Variants in SLC25A11 observed in about 807,000 individuals in gnomAD.
SLC25A11 encodes mitochondrial 2-oxoglutarate/malate carrier protein.
Under a neutral mutation model 32.7 loss-of-function variants are expected in SLC25A11, and 11 were observed. The observed-to-expected ratio is 0.34, with a 90% CI of 0.21 to 0.56. SLC25A11 has a LOEUF of 0.56. Ranked by LOEUF, SLC25A11 falls within the 20% of genes least tolerant of loss-of-function variation. The pLI is 0.90. For missense variants in SLC25A11, 295 were observed against 426.3 expected (o/e 0.69, Z 2.71); for synonymous variants, 163 against 168.3 (o/e 0.97, Z 0.24).
rs1970573245 is a variant in SLC25A11 at position 4,939,463 on chromosome 17, G to A, written c.96-251C>T. The A allele has an allele frequency of 3.4e-6, 2 of 584,368 alleles. No homozygotes were observed. Among genetic ancestry groups the A allele is most frequent in the African/African-American group, 1.9e-5 (1 of 53,566 alleles). The allele number at this position is 584,368 out of a possible 1,614,324, so 36.2% of individuals were successfully genotyped here. Reference sequence around the variant, plus strand: ...TCATGACAGTCAAGCAGTGACCTGGGGCTGCACGCAGTCCGACACAGGGAG... The same window carrying A: ...TCATGACAGTCAAGCAGTGACCTGGAGCTGCACGCAGTCCGACACAGGGAG... On this transcript the variant is annotated intron_variant, in intron 1 of 7. Coordinates refer to ENST00000225665, the MANE Select transcript of SLC25A11 (RefSeq NM_003562.5). The surrounding 1 kb of genome is among the most constrained non-coding windows in gnomAD (Gnocchi z 4.1).
chr17:4,939,264 T>G lies in SLC25A11; in HGVS notation c.96-52A>C, dbSNP rs1277181201. On this transcript the variant is annotated intron_variant, in intron 1 of 7. Transcript: ENST00000225665. The surrounding 1 kb of genome is among the most constrained non-coding windows in gnomAD (Gnocchi z 4.1). ...GGGCCAGGCATTCCAGATCTACCAG[T>G]GCCCACTGGAGCCTGGCAGCAAGAG... The G allele has an allele frequency of 6.4e-7, 1 of 1,564,406 alleles. No homozygotes were observed. The highest frequency in any genetic ancestry group is 8.7e-7 in the Non-Finnish European group (1 of 1,150,478).
rs774449189 is a variant in SLC25A11, at chr17:4,939,782, C to G, written c.95+34G>C. 42 of 1,569,062 alleles carry G rather than the reference C, an allele frequency of 2.7e-5. No homozygotes were observed. The highest frequency in any genetic ancestry group is 3.7e-5 in the Non-Finnish European group (42 of 1,142,154). On this transcript the variant is annotated intron_variant, in intron 1 of 7. Transcript: ENST00000225665. This position sits in a 1 kb window ranked among gnomAD's most constrained non-coding sequence, Gnocchi z 4.1. ...CCCGGTTCCTTTTGCCCTTCCCTTC[C>G]TCCTCTTTTCCCATCCCTGGGGCCT... is the stretch of plus-strand genomic sequence containing the variant.
chr17:4,938,883 C>T lies in SLC25A11; in HGVS notation c.341G>A (p.Gly114Asp), dbSNP rs1245474490. ...CTTCAGCAGAAAGCCAGGGGGAGTA[C>T]CATCAGCCCCAGTCAGGCGCTCAAA... ...VLFERLTGADGTPPGFLLKAV... is the reference protein window; with the variant it reads ...VLFERLTGADDTPPGFLLKAV... Residue 114 changes from glycine (G) to aspartate (D), a missense_variant, in exon 3 of 8, where the codon GGT becomes GAT. Coordinates refer to ENST00000225665, the MANE Select transcript of SLC25A11 (RefSeq NM_003562.5). The surrounding 1 kb of genome is among the most constrained non-coding windows in gnomAD (Gnocchi z 7.6). The T allele has an allele frequency of 6.2e-7, 1 of 1,614,134 alleles. No individual in the cohort carries two copies. Among genetic ancestry groups the T allele is most frequent in the South Asian group, 1.1e-5 (1 of 91,082 alleles).
chr17:4,940,015 C>A lies in SLC25A11; in HGVS notation c.-105G>T, dbSNP rs992260325. The A allele has an allele frequency of 1.4e-6, 1 of 738,362 alleles. No homozygotes were observed. The highest frequency in any genetic ancestry group is 2.6e-5 in the South Asian group (1 of 38,566). The allele number at this position is 738,362 out of a possible 1,614,324, so 45.7% of individuals were successfully genotyped here. A position where few individuals can be genotyped will look rare whatever the true frequency, so the allele number is the denominator to read the frequency against. ...AGAGCGAGGGCGCGCGCACGCCCCT[C>A]CAGCTCTCAGGTCCGACACCCGCTG... is the stretch of plus-strand genomic sequence containing the variant. On this transcript the variant is annotated 5_prime_UTR_variant, in exon 1 of 8. Coordinates refer to ENST00000225665, the MANE Select transcript of SLC25A11 (RefSeq NM_003562.5).
rs1970615377 is a variant in SLC25A11 at position 4,939,978 on chromosome 17, C to CGCGCGCGCAACAGAGCGAGG, written c.-88_-69dup. The CGCGCGCGCAACAGAGCGAGG allele has an allele frequency of 6.5e-6, 8 of 1,224,150 alleles. No homozygotes were observed. The highest frequency in any genetic ancestry group is 7.8e-6 in the Non-Finnish European group (7 of 902,528). The allele number at this position is 1,224,150 out of a possible 1,614,324, so 75.8% of individuals were successfully genotyped here. ...GCCCCGCTCGCGCCCAAGGTGACACCGCGCGCGCAACAGAGCGAGGGCGCG... is the reference window on the plus strand; with the variant it reads ...GCCCCGCTCGCGCCCAAGGTGACACCGCGCGCGCAACAGAGCGAGGGCGCGCGCAACAGAGCGAGGGCGCG... On this transcript the variant is annotated 5_prime_UTR_variant, in exon 1 of 8. Transcript: ENST00000225665. This position sits in a 1 kb window ranked among gnomAD's most constrained non-coding sequence, Gnocchi z 4.1.
chr17:4,938,549 C>G lies in SLC25A11; in HGVS notation c.509G>C (p.Arg170Pro). ...GAGGACACCCTCTTCCCGGGTGATT[C>G]GAATCAGGGCGTTAAACACATTTTT... ...GYKNVFNALIRITREEGVLTL... is the reference protein window; with the variant it reads ...GYKNVFNALIPITREEGVLTL... The change falls in exon 4 of 8, where the codon CGA (arginine) becomes CCA (proline). Residue 170 changes from arginine to proline, a missense_variant. Around this residue, in one of 3 missense-constraint regions of SLC25A11, gnomAD observed 142 missense variants for 197.8 expected, o/e 0.72. Transcript: ENST00000225665. This position sits in a 1 kb window ranked among gnomAD's most constrained non-coding sequence, Gnocchi z 7.6. 6.2e-7 allele frequency: 1 copy of G among 1,614,100 alleles called. No homozygotes were observed. The highest frequency in any genetic ancestry group is 8.5e-7 in the Non-Finnish European group (1 of 1,179,986).
Position 4,938,331 on chromosome 17 carries a change from G to C in SLC25A11, c.637+8C>G, listed in dbSNP as rs1970482348. ...GCTGGGAACTAAGGGCCCAGCTCTG[G>C]ATCTCACCTGAGTCCAGTAAGAACT... On this transcript the variant is annotated splice_region_variant and intron_variant, in intron 5 of 7. Transcript: ENST00000225665. The surrounding 1 kb of genome is among the most constrained non-coding windows in gnomAD (Gnocchi z 7.6). 6.2e-7 allele frequency: 1 copy of C among 1,614,008 alleles called. No individual in the cohort carries two copies. The highest frequency in any genetic ancestry group is 1.7e-5 in the Admixed American group (1 of 60,006).
Position 4,938,512 on chromosome 17 carries a change from C to T in SLC25A11, c.546G>A (p.Arg182=), listed in dbSNP as rs1027865588. The T allele has an allele frequency of 1.2e-6, 2 of 1,613,958 alleles. No homozygotes were observed. ...TREEGVLTLW[R]GCIPTMARAV... ...CCAAGTCTCCAGCCCCTCCACTCACCCGCCACAGTGTGAGGACACCCTCTT... is the reference window on the plus strand; with the variant it reads ...CCAAGTCTCCAGCCCCTCCACTCACTCGCCACAGTGTGAGGACACCCTCTT... Residue 182 remains arginine (R), a splice_region_variant and synonymous_variant, in exon 4 of 8, where the codon CGG becomes CGA. Coordinates refer to ENST00000225665, the MANE Select transcript of SLC25A11 (RefSeq NM_003562.5). The surrounding 1 kb of genome is among the most constrained non-coding windows in gnomAD (Gnocchi z 7.6).
Position 4,939,345 on chromosome 17 carries a change from G to A in SLC25A11, c.96-133C>T. The A allele has an allele frequency of 2.0e-6, 2 of 992,598 alleles. No homozygotes were observed. The highest frequency in any genetic ancestry group is 1.7e-5 in the South Asian group (1 of 59,588). The allele number at this position is 992,598 out of a possible 1,614,324, so 61.5% of individuals were successfully genotyped here. ...CAAGAATCAGGATGCTGGTGAGCAT[G>A]TGTATAAGAGTCTATATGTACACCA... is the stretch of plus-strand genomic sequence containing the variant. On this transcript the variant is annotated intron_variant, in intron 1 of 7. Transcript: ENST00000225665. The surrounding 1 kb of genome is among the most constrained non-coding windows in gnomAD (Gnocchi z 4.1).
In SLC25A11 at chr17:4,937,880, A is replaced by G; in HGVS notation, c.806T>C (p.Val269Ala). ...GCTGAAGAAGCCCTCGTAGCGGACA[A>G]CTTTGAACAGCACGTCCTAGACACA... is the stretch of plus-strand genomic sequence containing the variant. ...YKNGLDVLFK[V>A]VRYEGFFSLW... is the part of the protein sequence containing the mutation. Residue 269 changes from valine to alanine, a missense_variant, in exon 8 of 8, where the codon GTT becomes GCT. This residue lies in a region of SLC25A11 where 142 missense variants were observed against 197.8 expected (regional missense o/e 0.72). Coordinates refer to ENST00000225665, the MANE Select transcript of SLC25A11 (RefSeq NM_003562.5). The G allele has an allele frequency of 6.2e-7, 1 of 1,613,744 alleles. No individual in the cohort carries two copies. Among genetic ancestry groups the G allele is most frequent in the Non-Finnish European group, 8.5e-7 (1 of 1,179,780 alleles).
rs771888029 is a variant in SLC25A11, at chr17:4,939,109, C to T, written c.199G>A (p.Ala67Thr). Reference protein sequence around the residue: ...KTREYKTSFHALTSILKAEGL... With the variant: ...KTREYKTSFHTLTSILKAEGL... ...TCTGCCTTCAGGATACTGGTGAGGGCATGGAAGCTGGTTTTGTACTCTCGA... is the reference window on the plus strand; with the variant it reads ...TCTGCCTTCAGGATACTGGTGAGGGTATGGAAGCTGGTTTTGTACTCTCGA... Residue 67 changes from alanine (A) to threonine (T), a missense_variant, in exon 2 of 8, where the codon GCC becomes ACC. This residue lies in a region of SLC25A11 where 104 missense variants were observed against 121.5 expected (regional missense o/e 0.86). Transcript: ENST00000225665. The surrounding 1 kb of genome is among the most constrained non-coding windows in gnomAD (Gnocchi z 4.1). The T allele has an allele frequency of 6.2e-7, 1 of 1,614,194 alleles. No individual in the cohort carries two copies. The highest frequency in any genetic ancestry group is 1.1e-5 in the South Asian group (1 of 91,080).
chr17:4,939,306 C>T lies in SLC25A11; in HGVS notation c.96-94G>A. 7.4e-7 allele frequency: 1 copy of T among 1,352,156 alleles called. No homozygotes were observed. The highest frequency in any genetic ancestry group is 1.0e-6 in the Non-Finnish European group (1 of 999,230). The allele number at this position is 1,352,156 out of a possible 1,614,324, so 83.8% of individuals were successfully genotyped here. A position where few individuals can be genotyped will look rare whatever the true frequency, so the allele number is the denominator to read the frequency against. ...CAGCAAGAGGTTACAAAGGTCAGGG[C>T]CTGCCATGCGATTCAAGAATCAGGA... On this transcript the variant is annotated intron_variant, in intron 1 of 7. Coordinates refer to ENST00000225665, the MANE Select transcript of SLC25A11 (RefSeq NM_003562.5). The surrounding 1 kb of genome is among the most constrained non-coding windows in gnomAD (Gnocchi z 4.1).
chr17:4,939,854 G>A lies in SLC25A11; in HGVS notation c.57C>T (p.Ser19=), dbSNP rs1311702562. The A allele has an allele frequency of 3.7e-6, 6 of 1,612,866 alleles. No homozygotes were observed. Among genetic ancestry groups the A allele is most frequent in the Middle Eastern group, 1.7e-4 (1 of 6,060 alleles). Residue 19 remains serine (S), a synonymous_variant, in exon 1 of 8, where the codon TCC becomes TCT. Coordinates refer to ENST00000225665, the MANE Select transcript of SLC25A11 (RefSeq NM_003562.5). The surrounding 1 kb of genome is among the most constrained non-coding windows in gnomAD (Gnocchi z 4.1). ...CAAACAGGAACTTGACGGACTTAGG[G>A]GAGGTACGGGGCTTCCCGTCTATCC... is the stretch of plus-strand genomic sequence containing the variant. ...AGGIDGKPRT[S]PKSVKFLFGG...
chr17:4,937,874 C>T lies in SLC25A11; in HGVS notation c.812G>A (p.Arg271His), dbSNP rs149333609. 9 of 1,613,614 alleles carry T rather than the reference C, an allele frequency of 5.6e-6. No homozygotes were observed. Among genetic ancestry groups the T allele is most frequent in the South Asian group, 2.2e-5 (2 of 91,000 alleles). ...CCACAGGCTGAAGAAGCCCTCGTAGCGGACAACTTTGAACAGCACGTCCTA... is the reference window on the plus strand; with the variant it reads ...CCACAGGCTGAAGAAGCCCTCGTAGTGGACAACTTTGAACAGCACGTCCTA... ...NGLDVLFKVV[R>H]YEGFFSLWKG... The change falls in exon 8 of 8, where the codon CGC becomes CAC. Residue 271 changes from arginine (R) to histidine (H), a missense_variant. Transcript: ENST00000225665.
Position 4,937,679 on chromosome 17 carries a change from G to A in SLC25A11, c.*62C>T, listed in dbSNP as rs1970455204. 36 of 1,532,426 alleles carry A rather than the reference G, an allele frequency of 2.3e-5. No homozygotes were observed. Among genetic ancestry groups the A allele is most frequent in the Admixed American group, 4.2e-5 (2 of 47,688 alleles). 94.9% of individuals were successfully genotyped at this position (1,532,426 alleles called of 1,614,324 possible). A position where few individuals can be genotyped will look rare whatever the true frequency, so the allele number is the denominator to read the frequency against. On this transcript the variant is annotated 3_prime_UTR_variant, in exon 8 of 8. Transcript: ENST00000225665. ...AAATAGAGGGGTCCAGGGCAGCAGA[G>A]CCCAGGCCCCCAGGGCGCAGTGGCT...
In SLC25A11 at chr17:4,938,891, C is replaced by T; in HGVS notation, c.333G>A (p.Gly111=). 1.2e-6 allele frequency: 2 copies of T among 1,614,132 alleles called. No individual in the cohort carries two copies. Among genetic ancestry groups the T allele is most frequent in the Non-Finnish European group, 1.7e-6 (2 of 1,180,028 alleles). Reference sequence around the variant, plus strand: ...GAAAGCCAGGGGGAGTACCATCAGCCCCAGTCAGGCGCTCAAACAGCACGG... The same window carrying T: ...GAAAGCCAGGGGGAGTACCATCAGCTCCAGTCAGGCGCTCAAACAGCACGG... ...IYTVLFERLT[G]ADGTPPGFLL... Residue 111 remains glycine, a synonymous_variant, in exon 3 of 8, where the codon GGG becomes GGA. Transcript: ENST00000225665. The surrounding 1 kb of genome is among the most constrained non-coding windows in gnomAD (Gnocchi z 7.6).
chr17:4,938,449 G>A lies in SLC25A11; in HGVS notation c.547-20C>T, dbSNP rs753500517. Reference sequence around the variant, plus strand: ...GCAGCCCTGGAGGGAGGGGAGCGGGGAAGAGTCAGAAACCCCTAAAACCAG... The same window carrying A: ...GCAGCCCTGGAGGGAGGGGAGCGGGAAAGAGTCAGAAACCCCTAAAACCAG... On this transcript the variant is annotated intron_variant, in intron 4 of 7. Transcript: ENST00000225665. This position sits in a 1 kb window ranked among gnomAD's most constrained non-coding sequence, Gnocchi z 7.6. 6 of 1,613,898 alleles carry A rather than the reference G, an allele frequency of 3.7e-6. No homozygotes were observed. The highest frequency in any genetic ancestry group is 3.3e-5 in the Admixed American group (2 of 60,004).
chr17:4,939,766 T>C lies in SLC25A11; in HGVS notation c.95+50A>G. 2.7e-6 allele frequency: 4 copies of C among 1,478,074 alleles called. No individual in the cohort carries two copies. Among genetic ancestry groups the C allele is most frequent in the South Asian group, 1.2e-5 (1 of 86,620 alleles). 91.6% of individuals were successfully genotyped at this position (1,478,074 alleles called of 1,614,324 possible). On this transcript the variant is annotated intron_variant, in intron 1 of 7. Transcript: ENST00000225665. This position sits in a 1 kb window ranked among gnomAD's most constrained non-coding sequence, Gnocchi z 4.1. ...CCAGAGATGAACCGGGCCCGGTTCC[T>C]TTTGCCCTTCCCTTCCTCCTCTTTT...
Position 4,939,947 on chromosome 17 carries a change from C to G in SLC25A11, c.-37G>C, listed in dbSNP as rs1970611791. 9 of 1,535,798 alleles carry G rather than the reference C, an allele frequency of 5.9e-6. No individual in the cohort carries two copies. Among genetic ancestry groups the G allele is most frequent in the African/African-American group, 1.4e-5 (1 of 71,006 alleles). ...GGCCCTCGGCTCCGGGTCCCGTGCG[C>G]GCGCGGCCCCGCTCGCGCCCAAGGT... On this transcript the variant is annotated 5_prime_UTR_variant, in exon 1 of 8. Transcript: ENST00000225665. The surrounding 1 kb of genome is among the most constrained non-coding windows in gnomAD (Gnocchi z 4.1).
Sources: allele counts gnomAD v4.1 joint callset, GRCh38; gene constraint gnomAD v4.1.1; regional missense constraint gnomAD v4.1.1; non-coding constraint Gnocchi (gnomAD v3.1); transcripts MANE v1.5; gene names NCBI Gene and HGNC (gene_info 2026-07-23, HGNC 2026-07-21).